The following UMODL1 variants were observed in gnomAD, a reference collection of about 807,000 sequenced individuals.
UMODL1 encodes the protein uromodulin like 1, also known as uromodulin-like 1.
In UMODL1, 128 loss-of-function variants were observed where a neutral mutation model predicts 136.3. The observed-to-expected ratio is 0.94, with a 90% CI of 0.81 to 1.09. The LOEUF is 1.09. Among genes scored for constraint, UMODL1 ranks in the 50% least tolerant of loss-of-function variants. The probability of loss-of-function intolerance (pLI) is 0.00; values close to 1 mark genes in which losing one functional copy is unlikely to be tolerated. For missense variants in UMODL1, 1,766 were observed against 1,725.6 expected (o/e 1.02, Z -0.41); for synonymous variants, 721 against 720.0 (o/e 1.00, Z -0.02).
chr21:42,091,460 C>G (rs2066491298), intron 6 of UMODL1, among the ~76,000 whole-genome samples: 1 of 152,198 alleles, frequency 6.6e-6, no homozygotes, highest in African/African-American at 2.4e-5. Flanking sequence ...TGCCATCAAG[C>G]AGCTTGGAAG....
Position 42,076,206 on chromosome 21 carries a change from G to A in UMODL1, c.278G>A (p.Cys93Tyr). 1 of 1,614,262 alleles carries A rather than the reference G, an allele frequency of 6.2e-7. No individual in the cohort carries two copies. The highest frequency in any genetic ancestry group is 1.3e-5 in the African/African-American group (1 of 75,070). The change falls in exon 2 of 23, where the codon TGC (cysteine) becomes TAC (tyrosine). Residue 93 changes from cysteine (C) to tyrosine (Y), a missense_variant. By Grantham distance (194) the Cys-to-Tyr change is radical. Transcript: ENST00000408910. Reference sequence around the variant, plus strand: ...CCCGAGTCCAGGAACGTGACTGACTGCTGTGAGGGCTATGAACAGCTCGGC... The same window carrying A: ...CCCGAGTCCAGGAACGTGACTGACTACTGTGAGGGCTATGAACAGCTCGGC... ...EVPESRNVTD[C>Y]CEGYEQLGLY...
intron 1 of UMODL1, among the ~76,000 whole-genome samples, chr21:42,072,073 C>T (rs1323754904): frequency 7.0e-6 from 1 of 143,108 alleles, no homozygotes; most frequent in East Asian, 2.0e-4. Flanking sequence ...ACAAAAAAAG[C>T]CACAATACAA....
chr21:42,077,025 GT>G (rs2066301714), intron 2 of UMODL1, among the ~76,000 whole-genome samples: 1 of 124,990 alleles, frequency 8.0e-6, no homozygotes, highest in Admixed American at 7.2e-5. Context: ...GTGTGTGTGT[GT>G]GTGTGTGTGT....
chr21:42,074,407 TG>T (rs1169635812), intron 1 of UMODL1, among the ~76,000 whole-genome samples: 2 of 152,214 alleles, frequency 1.3e-5, no homozygotes, highest in African/African-American at 2.4e-5. Flanking sequence ...TCTGAGTTAC[TG>T]GGGTTTAGGA....
intron 17 of UMODL1, among the ~76,000 whole-genome samples, chr21:42,124,218 CAAG>C (rs1027273605): frequency 1.1e-4 from 16 of 152,320 alleles, no homozygotes; most frequent in African/African-American, 3.8e-4. Context: ...GCTTGGGGGA[CAAG>C]AGGAGGGGAG....
At position 42,071,344 on chromosome 21, in the gene UMODL1, C is replaced by A. The variant is rs1404408785; in HGVS notation, c.28C>A (p.Leu10Met). 8 of 1,596,914 alleles carry A rather than the reference C, an allele frequency of 5.0e-6. No individual in the cohort carries two copies. Among genetic ancestry groups the A allele is most frequent in the Non-Finnish European group, 6.8e-6 (8 of 1,171,960 alleles). MLRTSGLALLALVSAVGPSQ... is the reference protein window; with the variant it reads MLRTSGLALMALVSAVGPSQ... ...GCTCAGGACCTCGGGGCTGGCACTG[C>A]TGGCTCTGGTCAGTGCTGTGGGCCC... is the stretch of plus-strand genomic sequence containing the variant. The change falls in exon 1 of 23, where the codon CTG (leucine) becomes ATG (methionine). Residue 10 changes from leucine (L) to methionine (M), a missense_variant. By Grantham distance (15) the Leu-to-Met change is conservative. Transcript: ENST00000408910.
chr21:42,071,699 C>CCAGAA (rs2066233918), intron 1 of UMODL1, among the ~76,000 whole-genome samples: 1 of 151,910 alleles, frequency 6.6e-6, no homozygotes, highest in Non-Finnish European at 1.5e-5. Flanking sequence ...GGTGCAGGGC[C>CCAGAA]TGGAACTCTA....
At chr21:42,132,358 ATTCC>A (rs2067145383) in intron 21 of UMODL1, among the ~76,000 whole-genome samples, 1 of 151,196 alleles carries the variant, frequency 6.6e-6, no homozygotes, top group South Asian at 2.1e-4. Context: ...CCATCCACCC[ATTCC>A]TTCATCCATC....
chr21:42,123,601 ATG>A lies in UMODL1; in HGVS notation c.3147+455_3147+456del, dbSNP rs750374254. On this transcript the variant is annotated intron_variant, in intron 17 of 22. Transcript: ENST00000408910. The surrounding 1 kb of genome is among the most constrained non-coding windows in gnomAD (Gnocchi z 4.4). ...TGTGAATCTGTGTGTGCGAATGTGT[ATG>A]TGTATATGCATGGCTGTGCTTATAT... is the stretch of plus-strand genomic sequence containing the variant. Among the ~76,000 whole-genome samples, 4 of 151,512 alleles carry A rather than the reference ATG, an allele frequency of 2.6e-5. No homozygotes were observed. Among genetic ancestry groups the A allele is most frequent in the Non-Finnish European group, 5.9e-5 (4 of 67,878 alleles).
upstream of UMODL1, among the ~76,000 whole-genome samples, chr21:42,067,496 T>A (rs935087231): frequency 3.3e-5 from 5 of 152,206 alleles, no homozygotes; most frequent in Admixed American, 2.0e-4. Flanking sequence ...ACTGAATGGA[T>A]AAATGCCACC....
Position 42,074,443 on chromosome 21 carries a change from A to G in UMODL1, c.77-1562A>G, listed in dbSNP as rs372438601. Among the ~76,000 whole-genome samples the G allele has an allele frequency of 8.5e-5, 13 of 152,302 alleles. No homozygotes were observed. The South Asian group carries it at 2.7e-3, about 32-fold the overall frequency. On this transcript the variant is annotated intron_variant, in intron 1 of 22. Transcript: ENST00000408910. ...ACTTTAACACACTAATTTTTGGAGGAACACAATCAATTCAAACTAGGCAGT... is the reference window on the plus strand; with the variant it reads ...ACTTTAACACACTAATTTTTGGAGGGACACAATCAATTCAAACTAGGCAGT...
chr21:42,089,314 C>T (rs372017907), intron 5 of UMODL1, among the ~76,000 whole-genome samples: 5 of 152,210 alleles, frequency 3.3e-5, no homozygotes, highest in African/African-American at 9.6e-5. Context: ...GGCTCAGAGC[C>T]GTGTGAAAGC....
chr21:42,086,231 C>T (rs2066425232), intron 4 of UMODL1, among the ~76,000 whole-genome samples: 1 of 152,252 alleles, frequency 6.6e-6, no homozygotes. Flanking sequence ...TAATGTGCTG[C>T]TGTTGCCTCT....
At position 42,099,099 on chromosome 21, in the gene UMODL1, G is replaced by C. The variant is rs1334160238; in HGVS notation, c.1105G>C (p.Glu369Gln). 2 of 1,614,184 alleles carry C rather than the reference G, an allele frequency of 1.2e-6. No individual in the cohort carries two copies. Among genetic ancestry groups the C allele is most frequent in the Non-Finnish European group, 1.7e-6 (2 of 1,180,050 alleles). ...CCAGGCACTGGCAGTGGCTGGGCTG[G>C]AGGCTGGAGTGCTGTACAGGGTGAA... is the stretch of plus-strand genomic sequence containing the variant. ...QSQALAVAGL[E>Q]AGVLYRVKTS... Residue 369 changes from glutamate to glutamine, a missense_variant, in exon 7 of 23, where the codon GAG becomes CAG. By Grantham distance (29) the Glu-to-Gln change is conservative (BLOSUM62 2). Transcript: ENST00000408910. This position sits in a 1 kb window ranked among gnomAD's most constrained non-coding sequence, Gnocchi z 4.1.
chr21:42,139,172 T>G (rs1454434799), intron 22 of UMODL1, among the ~76,000 whole-genome samples: 5 of 151,976 alleles, frequency 3.3e-5, no homozygotes, highest in Admixed American at 3.3e-4. Context: ...AAATAAATAC[T>G]AATAAAAGAA....
chr21:42,111,164 C>T lies in UMODL1; in HGVS notation c.1899+43C>T, dbSNP rs764780757. 2.3e-5 allele frequency: 36 copies of T among 1,583,670 alleles called. No individual in the cohort carries two copies. Among genetic ancestry groups the T allele is most frequent in the Non-Finnish European group, 2.7e-5 (31 of 1,165,696 alleles). On this transcript the variant is annotated intron_variant, in intron 11 of 22. Coordinates refer to ENST00000408910, the MANE Select transcript of UMODL1 (RefSeq NM_001004416.3). ...GGGTCTGGGGATGGACCAGGGGAGC[C>T]CCAGCCAGGTGAACCCCAGCCAGGG...
Position 42,122,928 on chromosome 21 carries a change from C to T in UMODL1, c.2925C>T (p.Thr975=). ...CCTTTGTGCAAGGCACCAGCCCCAC[C>T]CCCCAAGGCCTGCCCCAGCGGCTGA... ...KAAFVQGTSP[T]PQGLPQRLNL... The change falls in exon 17 of 23, where the codon ACC becomes ACT. Residue 975 remains threonine, a synonymous_variant. Transcript: ENST00000408910. The surrounding 1 kb of genome is among the most constrained non-coding windows in gnomAD (Gnocchi z 4.3). The T allele has an allele frequency of 6.2e-7, 1 of 1,613,910 alleles. No individual in the cohort carries two copies. The highest frequency in any genetic ancestry group is 8.5e-7 in the Non-Finnish European group (1 of 1,180,028).
intron 15 of UMODL1, chr21:42,120,827 C>A: frequency 2.7e-6 from 1 of 366,008 alleles, no homozygotes. Flanking sequence ...GAAGGGATGG[C>A]CCTGCTCTGC....
chr21:42,081,444 A>G (rs2066361188), intron 2 of UMODL1, among the ~76,000 whole-genome samples: 1 of 152,098 alleles, frequency 6.6e-6, no homozygotes. Flanking sequence ...GAGATTTGTG[A>G]CTTTCTACCA....
Sources: allele counts gnomAD v4.1 joint callset (sites outside exome capture counted in the v4.1 genomes callset), GRCh38; gene constraint gnomAD v4.1.1; non-coding constraint Gnocchi (gnomAD v3.1); transcripts MANE v1.5; gene names NCBI Gene and HGNC (gene_info 2026-07-23, HGNC 2026-07-21).